The following KCNH8 variants were observed in gnomAD, a reference collection of about 807,000 sequenced individuals.
KCNH8 encodes the protein voltage-gated delayed rectifier potassium channel KCNH8.
KCNH8 carries 70 observed loss-of-function variants against 103.6 expected under a neutral mutation model. That is an observed-to-expected ratio of 0.68 (90% CI 0.56 to 0.82). The LOEUF (loss-of-function observed/expected upper bound fraction) is 0.82. Among genes scored for constraint, KCNH8 ranks in the 40% least tolerant of loss-of-function variants. The probability of loss-of-function intolerance (pLI) is 0.00; values close to 1 mark genes in which losing one functional copy is unlikely to be tolerated. For synonymous variants in KCNH8, 498 were observed against 489.4 expected, an observed-to-expected ratio of 1.02 and a Z score of -0.23; for missense variants, 1,217 against 1,329.9, an observed-to-expected ratio of 0.92 and a Z score of 1.32.
chr3:19,336,165 T>C (rs1160232493), intron 3 of KCNH8, among the ~76,000 whole-genome samples: 1 of 151,812 alleles, frequency 6.6e-6, no homozygotes, highest in Non-Finnish European at 1.5e-5. Flanking sequence ...TATTTTGTAA[T>C]AGATACATTT....
intron 5 of KCNH8, among the ~76,000 whole-genome samples, chr3:19,389,199 A>G (rs747237356): frequency 5.3e-5 from 8 of 152,160 alleles, no homozygotes; most frequent in Non-Finnish European, 1.0e-4. Flanking sequence ...TACAGTTGCT[A>G]TATGTCAAAA....
At chr3:19,237,295 T>TC (rs1016944931) in intron 1 of KCNH8, among the ~76,000 whole-genome samples, 1 of 152,162 alleles carries the variant, frequency 6.6e-6, no homozygotes, top group Non-Finnish European at 1.5e-5. Flanking sequence ...GACAAAGGCA[T>TC]CTTTCCTCCA....
intron 3 of KCNH8, among the ~76,000 whole-genome samples, chr3:19,336,344 A>G (rs2065584900): frequency 6.6e-6 from 1 of 151,818 alleles, no homozygotes; most frequent in African/African-American, 2.4e-5. Context: ...GTAAATCAAA[A>G]TAGAGTTTGA....
intron 8 of KCNH8, among the ~76,000 whole-genome samples, chr3:19,449,291 C>CAT (rs71055066): frequency 0.042 from 5,939 of 139,982 alleles, 134 homozygotes; most frequent in East Asian, 0.1. Context: ...ACAAGAGTCC[C>CAT]ATATATATAT....
At chr3:19,519,407 T>TA (rs1329775226) in intron 15 of KCNH8, among the ~76,000 whole-genome samples, 1 of 151,758 alleles carries the variant, frequency 6.6e-6, no homozygotes, top group Non-Finnish European at 1.5e-5. Context: ...TAGCTTGTCA[T>TA]AAACTCTGCA....
chr3:19,375,225 C>T (rs1183781008), intron 5 of KCNH8, among the ~76,000 whole-genome samples: 1 of 152,040 alleles, frequency 6.6e-6, no homozygotes, highest in South Asian at 2.1e-4. Flanking sequence ...CCATTCTCCC[C>T]ATCACTTTCA....
intron 8 of KCNH8, among the ~76,000 whole-genome samples, chr3:19,441,895 T>C (rs543432979): frequency 2.6e-5 from 4 of 152,274 alleles, no homozygotes; most frequent in Admixed American, 2.6e-4. Flanking sequence ...CAAAGAAGTA[T>C]AAAAACAAAC....
chr3:19,335,505 A>G (rs896747785), intron 3 of KCNH8, among the ~76,000 whole-genome samples: 4 of 115,150 alleles, frequency 3.5e-5, no homozygotes, highest in Admixed American at 3.4e-4. Flanking sequence ...ATATATATAT[A>G]TATACTTTTT....
Position 19,180,426 on chromosome 3 carries a change from C to G in KCNH8, c.76+31631C>G, listed in dbSNP as rs541125486. Among the ~76,000 whole-genome samples the G allele has an allele frequency of 2.0e-5, 3 of 152,246 alleles. No individual in the cohort carries two copies. The East Asian group carries it at 5.8e-4, about 29-fold the overall frequency. On this transcript the variant is annotated intron_variant, in intron 1 of 15. Coordinates refer to ENST00000328405, the MANE Select transcript of KCNH8 (RefSeq NM_144633.3). Reference sequence around the variant, plus strand: ...TGCCTGATATTTATCATGGAATAAACAGAAGGCTGTCAAAATGGAAGATTA... The same window carrying G: ...TGCCTGATATTTATCATGGAATAAAGAGAAGGCTGTCAAAATGGAAGATTA...
Position 19,421,053 on chromosome 3 carries a change from A to C in KCNH8, c.1178-17111A>C, listed in dbSNP as rs368065747. Among the ~76,000 whole-genome samples the C allele has an allele frequency of 1.3e-3, 194 of 152,318 alleles. 5 individuals carry two copies. In the South Asian group the frequency reaches 0.035, roughly 27 times the overall value. On this transcript the variant is annotated intron_variant, in intron 7 of 15. Coordinates refer to ENST00000328405, the MANE Select transcript of KCNH8 (RefSeq NM_144633.3). ...CAATTCATTGTCACTGCCAAGTTAT[A>C]GAATTGGTAGAATTTGACACTTTTT...
chr3:19,358,136 T>C (rs2065902857), intron 5 of KCNH8, among the ~76,000 whole-genome samples: 1 of 151,556 alleles, frequency 6.6e-6, no homozygotes, highest in Non-Finnish European at 1.5e-5. Flanking sequence ...AAAAAAATAC[T>C]GGCCGGCCTT....
intron 3 of KCNH8, among the ~76,000 whole-genome samples, chr3:19,299,234 G>GT (rs2065033659): frequency 6.6e-6 from 1 of 152,164 alleles, no homozygotes; most frequent in Non-Finnish European, 1.5e-5. Flanking sequence ...TCTCACAGTC[G>GT]TTTAAGTTTG....
At chr3:19,238,550 G>A (rs564317773) in intron 1 of KCNH8, among the ~76,000 whole-genome samples, 125 of 152,188 alleles carry the variant, frequency 8.2e-4, no homozygotes, top group Admixed American at 2.0e-3. Context: ...TTTAATAACC[G>A]CATGCTGAGG....
chr3:19,500,850 C>T (rs1288653323), intron 11 of KCNH8, among the ~76,000 whole-genome samples: 1 of 152,036 alleles, frequency 6.6e-6, no homozygotes, highest in Non-Finnish European at 1.5e-5. Flanking sequence ...AATTGACACC[C>T]TAACATGACA....
chr3:19,242,731 G>T (rs768581825), intron 1 of KCNH8, among the ~76,000 whole-genome samples: 2 of 152,038 alleles, frequency 1.3e-5, no homozygotes, highest in Non-Finnish European at 2.9e-5. Flanking sequence ...TAAAATGAAG[G>T]TCACCAGGTC....
chr3:19,278,096 G>C (rs897990409), intron 2 of KCNH8, among the ~76,000 whole-genome samples: 4 of 152,114 alleles, frequency 2.6e-5, no homozygotes, highest in Non-Finnish European at 5.9e-5. Context: ...CTGGAGAATA[G>C]TCTTGAATTA....
chr3:19,278,451 C>T (rs1399539855), intron 2 of KCNH8, among the ~76,000 whole-genome samples: 10 of 112,488 alleles, frequency 8.9e-5, no homozygotes, highest in African/African-American at 3.1e-4. Flanking sequence ...GAAAGGCAGG[C>T]AGGAAGGAAG....
chr3:19,510,543 G>A (rs2068766157), intron 12 of KCNH8, 142 bp downstream of exon 12: 1 of 654,186 alleles, frequency 1.5e-6, no homozygotes, highest in Non-Finnish European at 2.8e-6. Flanking sequence ...TGTGGCAACT[G>A]ACTTGCTTGA....
At chr3:19,472,820 G>GAC (rs2067891290) in intron 11 of KCNH8, among the ~76,000 whole-genome samples, 1 of 152,080 alleles carries the variant, frequency 6.6e-6, no homozygotes, top group Admixed American at 6.6e-5. Flanking sequence ...CATCAAGCAT[G>GAC]TGTTTCAAAT....
Sources: gnomAD v4.1 joint callset for allele counts (sites outside exome capture counted in the v4.1 genomes callset) on GRCh38, gnomAD v4.1.1 for gene constraint, MANE v1.5 for transcripts, NCBI Gene and HGNC (gene_info 2026-07-23, HGNC 2026-07-21) for gene names.